The following FRAS1 variants were observed in gnomAD, a reference collection of about 807,000 sequenced individuals.
The protein encoded by FRAS1 is Fraser extracellular matrix complex subunit 1.
Under a neutral mutation model 435.2 loss-of-function variants are expected in FRAS1, and 290 were observed. The observed-to-expected ratio is 0.67, with a 90% CI of 0.61 to 0.73. FRAS1 has a LOEUF of 0.73. FRAS1 is among the 30% of genes least tolerant of loss of function. The probability of loss-of-function intolerance (pLI) is 0.00; values close to 1 mark genes in which losing one functional copy is unlikely to be tolerated. For missense variants in FRAS1, 4,860 were observed against 5,001.5 expected (o/e 0.97, Z 0.85); for synonymous variants, 1,800 against 1,851.0 (o/e 0.97, Z 0.71).
intron 20 of FRAS1, among the ~76,000 whole-genome samples, chr4:78,344,126 C>G (rs539523193): frequency 3.4e-4 from 51 of 151,508 alleles, no homozygotes; most frequent in African/African-American, 1.0e-3. Flanking sequence ...CCAGGACCAG[C>G]TTCTGCTTGG....
At chr4:78,398,984 A>G (rs1393981321) in intron 29 of FRAS1, among the ~76,000 whole-genome samples, 1 of 142,458 alleles carries the variant, frequency 7.0e-6, no homozygotes. Flanking sequence ...ATTCTGTCTC[A>G]AAAAAAAAAC....
At chr4:78,469,635 G>GTTTTTT (rs55741307) in intron 50 of FRAS1, among the ~76,000 whole-genome samples, 1 of 151,410 alleles carries the variant, frequency 6.6e-6, no homozygotes, top group Non-Finnish European at 1.5e-5. Context: ...GTACTGTTTG[G>GTTTTTT]TTTTTTTTTC....
At chr4:78,195,045 C>G (rs930555363) in intron 2 of FRAS1, among the ~76,000 whole-genome samples, 2 of 152,138 alleles carry the variant, frequency 1.3e-5, no homozygotes, top group Non-Finnish European at 2.9e-5. Context: ...CACTCCAGAC[C>G]CTGTTTGCCT....
chr4:78,536,972 T>C, intron 71 of FRAS1, 23 bp from the exon 72 acceptor site: 1 of 1,596,230 alleles, frequency 6.3e-7, no homozygotes, highest in Non-Finnish European at 8.6e-7. Flanking sequence ...TCTGACCTAA[T>C]TAATACCTTT....
intron 68 of FRAS1, 74 bp from the exon 69 acceptor site, chr4:78,522,575 G>T: frequency 7.9e-7 from 1 of 1,264,346 alleles, no homozygotes; most frequent in Non-Finnish European, 1.1e-6. Context: ...GGCTTTTGTG[G>T]GGCTCTACCA....
At chr4:78,332,280 G>A (rs533358799) in intron 18 of FRAS1, among the ~76,000 whole-genome samples, 4 of 152,126 alleles carry the variant, frequency 2.6e-5, no homozygotes, top group Admixed American at 6.6e-5. Context: ...ATGTAGCCCC[G>A]GGAGGGCCAG....
intron 72 of FRAS1, among the ~76,000 whole-genome samples, chr4:78,538,247 T>TA (rs955640972): frequency 6.6e-6 from 1 of 152,274 alleles, no homozygotes; most frequent in Non-Finnish European, 1.5e-5. Context: ...AGTAAACACT[T>TA]AAAATTTTTT....
intron 66 of FRAS1, 96 bp from the exon 67 acceptor site, chr4:78,519,235 A>G (rs1721310013): frequency 9.5e-7 from 1 of 1,056,026 alleles, no homozygotes; most frequent in Non-Finnish European, 1.3e-6. Flanking sequence ...GTGTGTGACT[A>G]CATGGGTGAA....
At chr4:78,156,082 T>A (rs1720870050) in intron 2 of FRAS1, among the ~76,000 whole-genome samples, 1 of 152,242 alleles carries the variant, frequency 6.6e-6, no homozygotes, top group African/African-American at 2.4e-5. Context: ...AGCCTTTGGC[T>A]GTTTCTGGGC....
chr4:78,376,167 A>C (rs928877650), intron 26 of FRAS1, among the ~76,000 whole-genome samples: 2 of 152,248 alleles, frequency 1.3e-5, no homozygotes, highest in African/African-American at 4.8e-5. Flanking sequence ...AACTACAGCC[A>C]TGTTATAGAA....
chr4:78,067,158 T>C (rs1025319509), intron 2 of FRAS1, among the ~76,000 whole-genome samples: 2 of 152,176 alleles, frequency 1.3e-5, no homozygotes, highest in East Asian at 3.8e-4. Flanking sequence ...TCATAACTTT[T>C]CCATATATTT....
chr4:78,476,512 G>A (rs1719857392), intron 54 of FRAS1, among the ~76,000 whole-genome samples: 1 of 152,150 alleles, frequency 6.6e-6, no homozygotes, highest in Non-Finnish European at 1.5e-5. Context: ...TGGCAACACA[G>A]ATCTCTGTAA....
intron 51 of FRAS1, 71 bp downstream of exon 51, chr4:78,470,162 A>ATTCATAAGTCAT: frequency 1.0e-6 from 1 of 977,780 alleles, no homozygotes; most frequent in Non-Finnish European, 1.6e-6. Flanking sequence ...ACAATGACTT[A>ATTCATAAGTCAT]TGAATAGAAG....
intron 70 of FRAS1, among the ~76,000 whole-genome samples, chr4:78,532,475 A>C (rs1269167247): frequency 6.6e-6 from 1 of 152,178 alleles, no homozygotes; most frequent in Non-Finnish European, 1.5e-5. Context: ...ACAAATTAAC[A>C]TACCCATCTC....
chr4:78,503,703 T>C (rs901452322), intron 61 of FRAS1, among the ~76,000 whole-genome samples: 6 of 152,224 alleles, frequency 3.9e-5, no homozygotes, highest in Admixed American at 1.3e-4. Context: ...GTTTTTTGTG[T>C]CTCTATCTCC....
At chr4:78,393,037 C>T (rs1288021179) in intron 29 of FRAS1, among the ~76,000 whole-genome samples, 9 of 146,666 alleles carry the variant, frequency 6.1e-5, no homozygotes, top group Non-Finnish European at 1.3e-4. Flanking sequence ...AAAAACCCTA[C>T]TTTATTGAGG....
intron 38 of FRAS1, among the ~76,000 whole-genome samples, chr4:78,437,728 G>C (rs1486230249): frequency 6.6e-6 from 1 of 152,152 alleles, no homozygotes; most frequent in African/African-American, 2.4e-5. Flanking sequence ...TTTCATTGTT[G>C]CTGTGGTAAA....
In FRAS1 at chr4:78,244,581, C is replaced by G. The variant is rs370846742; in HGVS notation, c.217-652C>G. 2.6e-5 allele frequency among the ~76,000 whole-genome samples: 4 copies of G among 152,264 alleles called. No homozygotes were observed. In the East Asian group the frequency reaches 5.8e-4, roughly 22 times the overall value. On this transcript the variant is annotated intron_variant, in intron 3 of 73. Coordinates refer to ENST00000512123, the MANE Select transcript of FRAS1 (RefSeq NM_025074.7). Reference sequence around the variant, plus strand: ...GTGATTGGATGGTTGACATGTGACACCTCCCCAGTAAATCTTGGGGTATCA... The same window carrying G: ...GTGATTGGATGGTTGACATGTGACAGCTCCCCAGTAAATCTTGGGGTATCA...
intron 2 of FRAS1, among the ~76,000 whole-genome samples, chr4:78,223,881 C>T (rs998860358): frequency 6.6e-6 from 1 of 152,092 alleles, no homozygotes; most frequent in East Asian, 1.9e-4. Context: ...TTATACACTT[C>T]CTATTTGCCA....
Sources: allele counts gnomAD v4.1 joint callset (sites outside exome capture counted in the v4.1 genomes callset), GRCh38; gene constraint gnomAD v4.1.1; transcripts MANE v1.5; gene names NCBI Gene and HGNC (gene_info 2026-07-23, HGNC 2026-07-21).